The following DGLUCY variants were observed in gnomAD, a reference collection of about 807,000 sequenced individuals.
DGLUCY encodes the protein D-glutamate cyclase, mitochondrial.
In DGLUCY, 58 loss-of-function variants were observed where a neutral mutation model predicts 58.5. The ratio of observed to expected loss-of-function variants is 0.99; its 90% CI spans 0.80 to 1.23. DGLUCY has a LOEUF of 1.23. Among genes scored for constraint, DGLUCY ranks in the 50% most tolerant of loss-of-function variants. The pLI, the probability that DGLUCY is intolerant of heterozygous loss-of-function variation, is 0.00. For synonymous variants in DGLUCY, 325 were observed against 314.1 expected (o/e 1.03, Z -0.37); for missense variants, 779 against 784.7 (o/e 0.99, Z 0.09).
At chr14:91,144,026 A>G (rs11621046) in intron 1 of DGLUCY, among the ~76,000 whole-genome samples, 4 of 152,042 alleles carry the variant, frequency 2.6e-5, no homozygotes, top group Admixed American at 1.3e-4. Flanking sequence ...TCCTCTTCCA[A>G]TCCAAACAGG....
intron 1 of DGLUCY, among the ~76,000 whole-genome samples, chr14:91,108,520 T>TGAGA (rs1176961309): frequency 1.2e-4 from 10 of 83,734 alleles, no homozygotes; most frequent in Non-Finnish European, 1.6e-4. Context: ...TGTGTGTGTG[T>TGAGA]GTGTGTGAGA....
At chr14:91,132,317 C>T (rs2046066349) in intron 1 of DGLUCY, among the ~76,000 whole-genome samples, 1 of 152,018 alleles carries the variant, frequency 6.6e-6, no homozygotes, top group African/African-American at 2.4e-5. Context: ...ATAATTCCAG[C>T]ACATTGGAAA....
At chr14:91,119,454 C>T (rs190487112) in intron 1 of DGLUCY, among the ~76,000 whole-genome samples, 200 of 152,268 alleles carry the variant, frequency 1.3e-3, no homozygotes, top group African/African-American at 4.4e-3. Context: ...CACTGTGCTC[C>T]CATACCTGAA....
intron 1 of DGLUCY, among the ~76,000 whole-genome samples, chr14:91,075,223 T>G (rs2044000823): frequency 6.6e-6 from 1 of 152,202 alleles, no homozygotes; most frequent in South Asian, 2.1e-4. Flanking sequence ...GCTGAGTTTT[T>G]AAGGCCTCCT....
intron 1 of DGLUCY, among the ~76,000 whole-genome samples, chr14:91,149,189 G>A (rs1300304279): frequency 2.0e-5 from 3 of 151,596 alleles, no homozygotes; most frequent in Admixed American, 6.6e-5. Context: ...GGAGGTTGCT[G>A]TGAGCCGAGA....
intron 1 of DGLUCY, among the ~76,000 whole-genome samples, chr14:91,142,804 AC>A (rs764163733): frequency 0.29 from 1,819 of 6,258 alleles, 17 homozygotes; most frequent in Non-Finnish European, 0.44. Context: ...TCTCTACTAA[AC>A]ACACACACAC....
rs555365107 is a variant in DGLUCY, at chr14:91,218,024, G to A, written c.1716+2468G>A. ...CAGCTGAGAGGCAGAGCTGGGATCC[G>A]AGTCTAGGTCTCTGTGACTCCATTC... On this transcript the variant is annotated intron_variant, in intron 13 of 13. Transcript: ENST00000256324. 1.7e-4 allele frequency among the ~76,000 whole-genome samples: 26 copies of A among 152,288 alleles called. 1 individual carries two copies. The South Asian group carries it at 2.1e-3, about 12-fold the overall frequency.
chr14:91,165,992 C>T (rs146689177), intron 3 of DGLUCY, among the ~76,000 whole-genome samples: 2 of 152,152 alleles, frequency 1.3e-5, no homozygotes, highest in East Asian at 1.9e-4. Flanking sequence ...CATGAATATA[C>T]TAGGCAGCAG....
At chr14:91,112,848 T>C (rs1028822723), upstream of DGLUCY, among the ~76,000 whole-genome samples, 1 of 151,156 alleles carries the variant, frequency 6.6e-6, no homozygotes, top group African/African-American at 2.4e-5. Flanking sequence ...TGAAACCCTG[T>C]TTCTACTAAA....
At chr14:91,199,725 C>T in intron 10 of DGLUCY, 32 bp from the exon 11 acceptor site, 1 of 1,611,858 alleles carries the variant, frequency 6.2e-7, no homozygotes, top group African/African-American at 1.3e-5. Context: ...CTCCATAGGA[C>T]CCTCTGACCT....
intron 12 of DGLUCY, among the ~76,000 whole-genome samples, chr14:91,207,975 C>T (rs1477463847): frequency 2.6e-5 from 4 of 152,048 alleles, no homozygotes; most frequent in Admixed American, 6.6e-5. Context: ...CTCAAACTCT[C>T]GACCTCAGGT....
intron 13 of DGLUCY, chr14:91,215,962 C>T (rs1396920815): frequency 2.9e-6 from 1 of 346,218 alleles, no homozygotes; most frequent in Non-Finnish European, 5.6e-6. Context: ...CCCAGCGAGG[C>T]CACTAAAACC....
At chr14:91,110,492 G>T (rs1343458779), upstream of DGLUCY, among the ~76,000 whole-genome samples, 3 of 145,340 alleles carry the variant, frequency 2.1e-5, no homozygotes, top group Admixed American at 1.4e-4. Context: ...GTGCAGTGGT[G>T]CAATCTCAGT....
chr14:91,107,922 G>C (rs1467891276), upstream of DGLUCY: 1 of 152,430 alleles, frequency 6.6e-6, no homozygotes, highest in South Asian at 2.1e-4. Context: ...ATCAGGGAGT[G>C]AGCTTTGTGC....
intron 1 of DGLUCY, among the ~76,000 whole-genome samples, chr14:91,134,809 A>G (rs2046230888): frequency 1.3e-5 from 2 of 152,338 alleles, no homozygotes; most frequent in East Asian, 1.9e-4. Flanking sequence ...TTTTATATAC[A>G]GAAACCTTCC....
At chr14:91,202,853 G>C (rs760504650) in intron 11 of DGLUCY, among the ~76,000 whole-genome samples, 1 of 152,000 alleles carries the variant, frequency 6.6e-6, no homozygotes, top group Non-Finnish European at 1.5e-5. Flanking sequence ...CCCTTCTCAC[G>C]GCCTCAGGAG....
intron 6 of DGLUCY, among the ~76,000 whole-genome samples, chr14:91,175,125 C>T (rs562902823): frequency 1.6e-4 from 24 of 152,254 alleles, no homozygotes; most frequent in East Asian, 3.9e-4. Flanking sequence ...CTCGAAGCAA[C>T]GTCTAATCTG....
chr14:91,112,755 G>A (rs1180133556), upstream of DGLUCY, among the ~76,000 whole-genome samples: 1 of 151,824 alleles, frequency 6.6e-6, no homozygotes, highest in Non-Finnish European at 1.5e-5. Flanking sequence ...AGCGGTGGCT[G>A]ACACCTGTAA....
chr14:91,102,826 A>G (rs1037778724), intron 1 of DGLUCY, among the ~76,000 whole-genome samples: 6 of 146,522 alleles, frequency 4.1e-5, no homozygotes, highest in African/African-American at 1.5e-4. Context: ...CAGTGGCGTG[A>G]TCTCGGTTCA....
Sources: allele counts gnomAD v4.1 joint callset (sites outside exome capture counted in the v4.1 genomes callset), GRCh38; gene constraint gnomAD v4.1.1; transcripts MANE v1.5; gene names NCBI Gene and HGNC (gene_info 2026-07-23, HGNC 2026-07-21).